The following MEGF11 variants were observed in gnomAD, a reference collection of about 807,000 sequenced individuals.
MEGF11 encodes multiple epidermal growth factor-like domains protein 11.
A neutral mutation model predicts 146.6 loss-of-function variants in MEGF11; 126 were observed. That is an observed-to-expected ratio of 0.86 (90% CI 0.74 to 1.00). MEGF11 has a LOEUF of 1.00. Among genes scored for constraint, MEGF11 ranks in the 50% least tolerant of loss-of-function variants. The pLI is 0.00. For missense variants in MEGF11, 1,509 were observed against 1,521.2 expected (o/e 0.99, Z 0.13); for synonymous variants, 532 against 583.4 (o/e 0.91, Z 1.27).
chr15:66,061,597 C>CA (rs1363163656), intron 5 of MEGF11, among the ~76,000 whole-genome samples: 2 of 151,112 alleles, frequency 1.3e-5, no homozygotes, highest in African/African-American at 4.9e-5. Flanking sequence ...TGATTAGGGG[C>CA]ACAGTGCCTA....
At chr15:65,969,288 G>T (rs773510690) in intron 8 of MEGF11, among the ~76,000 whole-genome samples, 1 of 152,192 alleles carries the variant, frequency 6.6e-6, no homozygotes, top group Non-Finnish European at 1.5e-5. Flanking sequence ...GACTGAAAAA[G>T]GAGTCCTGTG....
rs1022804517 is a variant in MEGF11 at position 65,913,656 on chromosome 15, G to T, written c.2710+81C>A. ...TGAGCTTCCACATTCAGCCACAGCA[G>T]CCAACCCTACAGGCACAACCATTCC... On this transcript the variant is annotated intron_variant, in intron 20 of 25. Coordinates refer to ENST00000395614, the MANE Select transcript of MEGF11 (RefSeq NM_001385028.1). 13 of 1,300,198 alleles carry T rather than the reference G, an allele frequency of 1.0e-5. No individual in the cohort carries two copies. In the East Asian group the frequency reaches 2.3e-4, roughly 23 times the overall value. 80.5% of individuals were successfully genotyped at this position (1,300,198 alleles called of 1,614,324 possible).
intron 10 of MEGF11, among the ~76,000 whole-genome samples, chr15:65,938,850 ATGTT>A (rs1307658068): frequency 6.6e-6 from 1 of 152,146 alleles, no homozygotes; most frequent in African/African-American, 2.4e-5. Context: ...AATGAGTTGT[ATGTT>A]CTATTAAATT....
In MEGF11 at chr15:66,248,708, A is replaced by G. The variant is rs891458665; in HGVS notation, c.-9+4897T>C. 5.3e-5 allele frequency among the ~76,000 whole-genome samples: 8 copies of G among 152,218 alleles called. No individual in the cohort carries two copies. In the East Asian group the frequency reaches 7.7e-4, roughly 15 times the overall value. Reference sequence around the variant, plus strand: ...CTGAGGATCAAACTAAAAGCAAGGTACTCACACTTGGCCCAGAGAGACCAT... The same window carrying G: ...CTGAGGATCAAACTAAAAGCAAGGTGCTCACACTTGGCCCAGAGAGACCAT... On this transcript the variant is annotated intron_variant, in intron 1 of 25. Transcript: ENST00000395614.
intron 5 of MEGF11, among the ~76,000 whole-genome samples, chr15:65,996,766 G>A (rs573586528): frequency 1.4e-4 from 21 of 152,290 alleles, no homozygotes; most frequent in African/African-American, 3.6e-4. Context: ...GATTACAGGC[G>A]TGAGGCACCA....
chr15:66,241,532 A>G (rs1012416914), intron 1 of MEGF11, among the ~76,000 whole-genome samples: 4 of 152,214 alleles, frequency 2.6e-5, no homozygotes, highest in Non-Finnish European at 5.9e-5. Flanking sequence ...CTTAGGCCCC[A>G]TGTGCCTCCA....
At chr15:65,993,572 G>A (rs1055336928) in intron 5 of MEGF11, among the ~76,000 whole-genome samples, 2 of 152,208 alleles carry the variant, frequency 1.3e-5, no homozygotes, top group African/African-American at 4.8e-5. Flanking sequence ...GGCTAGCCTT[G>A]TTGGTCCTGC....
intron 5 of MEGF11, among the ~76,000 whole-genome samples, chr15:66,081,292 A>C (rs1461589737): frequency 2.0e-5 from 3 of 152,216 alleles, no homozygotes; most frequent in Non-Finnish European, 2.9e-5. Flanking sequence ...AGGGCCTCGG[A>C]TTAGGTGAGC....
In MEGF11 at chr15:66,043,366, G is replaced by T. The variant is rs181937306; in HGVS notation, c.394+51036C>A. Among the ~76,000 whole-genome samples the T allele has an allele frequency of 7.1e-3, 1,077 of 152,350 alleles. 13 individuals carry two copies. Among genetic ancestry groups the T allele is most frequent in the Non-Finnish European group, 9.4e-3 (642 of 68,034 alleles). Reference sequence around the variant, plus strand: ...AGGGCCTTGCCAGGCCAGCTGGGATGCTGGGGGCGTCCTGGGGGACTGAAC... The same window carrying T: ...AGGGCCTTGCCAGGCCAGCTGGGATTCTGGGGGCGTCCTGGGGGACTGAAC... On this transcript the variant is annotated intron_variant, in intron 5 of 25. Coordinates refer to ENST00000395614, the MANE Select transcript of MEGF11 (RefSeq NM_001385028.1).
At chr15:65,905,841 A>T in intron 24 of MEGF11, 1 of 407,572 alleles carries the variant, frequency 2.5e-6, no homozygotes, top group Middle Eastern at 6.1e-4. Context: ...TGGCATCTAT[A>T]AAAAACCCAC....
intron 1 of MEGF11, among the ~76,000 whole-genome samples, chr15:66,229,308 G>C (rs939997593): frequency 1.3e-5 from 2 of 151,970 alleles, no homozygotes; most frequent in Non-Finnish European, 1.5e-5. Flanking sequence ...GGCCAGAGCA[G>C]GACTGTCCAC....
rs563084855 is a variant in MEGF11, at chr15:66,229,066, C to T, written c.-9+24539G>A. Among the ~76,000 whole-genome samples the T allele has an allele frequency of 5.8e-4, 89 of 152,240 alleles. 1 individual carries two copies. The highest frequency in any genetic ancestry group is 4.8e-3 in the Admixed American group (74 of 15,292). ...TCTGCCCTCCCCTTTGTAAACAGTCCCTTTATTAAGCACTCATCAAATTGC... is the reference window on the plus strand; with the variant it reads ...TCTGCCCTCCCCTTTGTAAACAGTCTCTTTATTAAGCACTCATCAAATTGC... On this transcript the variant is annotated intron_variant, in intron 1 of 25. Transcript: ENST00000395614.
At chr15:66,011,391 G>A (rs1405995831) in intron 5 of MEGF11, among the ~76,000 whole-genome samples, 2 of 152,088 alleles carry the variant, frequency 1.3e-5, no homozygotes, top group Non-Finnish European at 2.9e-5. Context: ...AGACCTCAGT[G>A]TCTTCATCTA....
intron 10 of MEGF11, among the ~76,000 whole-genome samples, chr15:65,955,771 T>TTTATATAG (rs2080581928): frequency 1.5e-4 from 1 of 6,782 alleles, no homozygotes; most frequent in Non-Finnish European, 5.3e-4. Flanking sequence ...AATATATATA[T>TTTATATAG]ATATATATAT....
intron 1 of MEGF11, among the ~76,000 whole-genome samples, chr15:66,133,144 A>G (rs2088726539): frequency 6.6e-6 from 1 of 152,206 alleles, no homozygotes; most frequent in Admixed American, 6.5e-5. Context: ...GCATTTGCAG[A>G]GACACCAATC....
intron 5 of MEGF11, among the ~76,000 whole-genome samples, chr15:65,999,165 G>A (rs2082285273): frequency 1.3e-5 from 2 of 151,764 alleles, no homozygotes; most frequent in African/African-American, 2.4e-5. Context: ...CTGAGTAGCT[G>A]GGACTACAGG....
At chr15:65,915,312 C>T (rs932059977) in intron 19 of MEGF11, among the ~76,000 whole-genome samples, 158 bp downstream of exon 19, 1 of 152,180 alleles carries the variant, frequency 6.6e-6, no homozygotes, top group Non-Finnish European at 1.5e-5. Flanking sequence ...TATGCCTCTT[C>T]AGCACTTGGA....
At chr15:66,202,202 C>T (rs980598145) in intron 1 of MEGF11, among the ~76,000 whole-genome samples, 2 of 145,008 alleles carry the variant, frequency 1.4e-5, no homozygotes, top group African/African-American at 2.5e-5. Flanking sequence ...CTGTGCACAC[C>T]CACCATATAT....
chr15:65,988,537 AC>A (rs1227847059), intron 5 of MEGF11, among the ~76,000 whole-genome samples: 7 of 152,164 alleles, frequency 4.6e-5, no homozygotes, highest in African/African-American at 1.7e-4. Context: ...GAGTTGTTCC[AC>A]CTTTTGGTTA....
Sources: allele counts gnomAD v4.1 joint callset (sites outside exome capture counted in the v4.1 genomes callset), GRCh38; gene constraint gnomAD v4.1.1; transcripts MANE v1.5; gene names NCBI Gene and HGNC (gene_info 2026-07-23, HGNC 2026-07-21).